Variants in ARMCX4 observed in about 807,000 individuals in gnomAD.
The protein encoded by ARMCX4 is armadillo repeat-containing X-linked protein 4.
A neutral mutation model predicts 34.7 loss-of-function variants in ARMCX4; 3 were observed. The ratio of observed to expected loss-of-function variants is 0.09; its 90% CI spans 0.04 to 0.22. The LOEUF (loss-of-function observed/expected upper bound fraction) is 0.22. Among genes scored for constraint, ARMCX4 ranks in the 10% least tolerant of loss-of-function variants. ARMCX4 has a pLI of 1.00. For missense variants in ARMCX4, 1,448 were observed against 1,720.8 expected, an observed-to-expected ratio of 0.84 and a Z score of 2.81; for synonymous variants, 513 against 632.8, an observed-to-expected ratio of 0.81 and a Z score of 2.84.
intron 4 of ARMCX4, among the ~76,000 whole-genome samples, chrX:101,469,935 C>T (rs982658281): frequency 6.3e-5 from 7 of 111,828 alleles, no homozygotes; most frequent in South Asian, 3.8e-4. Context: ...CCTTAATTTG[C>T]GTATAATTAA....
At chrX:101,501,822 G>A (rs1934305688) in intron 7 of ARMCX4, among the ~76,000 whole-genome samples, 1 of 111,894 alleles carries the variant, frequency 8.9e-6, no homozygotes, top group Admixed American at 9.4e-5. Context: ...GACAACCAGA[G>A]GTTGCTTTTT....
Position 101,490,443 on chromosome X carries a change from G to A in ARMCX4, c.1854G>A (p.Val618=), listed in dbSNP as rs1317289564. ...VKGNPHTVLK[V]GAGEGTTDSA... ...GCAATCCCCATACTGTGCTTAAGGT[G>A]GGGGCTGGAGAAGGTACAACAGACT... Residue 618 remains valine, a synonymous_variant, in exon 6 of 6, where the codon GTG becomes GTA. Transcript: ENST00000423738. 4 of 1,141,148 alleles carry A rather than the reference G, an allele frequency of 3.5e-6. No individual in the cohort carries two copies. Among genetic ancestry groups the A allele is most frequent in the East Asian group, 3.3e-5 (1 of 29,949 alleles). The allele number at this position is 1,141,148 out of a possible 1,213,427, so 94.0% of individuals were successfully genotyped here.
chrX:101,477,477 A>G (rs1163297374), intron 4 of ARMCX4, among the ~76,000 whole-genome samples: 1 of 98,623 alleles, frequency 1.0e-5, no homozygotes, highest in Non-Finnish European at 2.0e-5. Context: ...CTTACTGCTT[A>G]AAAACAAACA....
intron 11 of ARMCX4, among the ~76,000 whole-genome samples, chrX:101,529,920 G>C (rs1935084153): frequency 8.9e-6 from 1 of 112,005 alleles, no homozygotes; most frequent in Admixed American, 9.5e-5. Context: ...GTGGAAGACA[G>C]TGTGGCGGTT....
chrX:101,470,804 G>T (rs1321140794), intron 4 of ARMCX4, among the ~76,000 whole-genome samples: 1 of 111,753 alleles, frequency 8.9e-6, no homozygotes, highest in Non-Finnish European at 1.9e-5. Context: ...CTTTGTGTGG[G>T]CATGTTTTCA....
intron 2 of ARMCX4, among the ~76,000 whole-genome samples, chrX:101,433,340 A>C (rs7057004): frequency 6.7e-4 from 67 of 99,433 alleles, no homozygotes; most frequent in Admixed American, 4.9e-3. Context: ...ACATATGTAC[A>C]TATATGTACA....
chrX:101,433,132 T>G (rs6621060), intron 2 of ARMCX4, among the ~76,000 whole-genome samples: 37 of 102,536 alleles, frequency 3.6e-4, no homozygotes, highest in South Asian at 1.2e-3. Flanking sequence ...GTATACATAT[T>G]TGTATATATA....
chrX:101,528,712 A>G (rs1015536344), intron 11 of ARMCX4, among the ~76,000 whole-genome samples: 9 of 111,485 alleles, frequency 8.1e-5, no homozygotes, highest in African/African-American at 2.9e-4. Context: ...GAGCCAAATC[A>G]TGAGTGAACT....
At chrX:101,457,098 T>C (rs1196496510) in intron 4 of ARMCX4, among the ~76,000 whole-genome samples, 1 of 111,451 alleles carries the variant, frequency 9.0e-6, no homozygotes, top group East Asian at 2.8e-4. Context: ...TTTCAACTTC[T>C]TTGTTGAAGA....
At chrX:101,456,669 C>A (rs1274013219) in intron 4 of ARMCX4, among the ~76,000 whole-genome samples, 1 of 111,388 alleles carries the variant, frequency 9.0e-6, no homozygotes, top group Non-Finnish European at 1.9e-5. Flanking sequence ...TCATTTAATC[C>A]TTCTAAAGAG....
chrX:101,452,756 A>G (rs1285418886), downstream of ARMCX4, among the ~76,000 whole-genome samples: 6 of 109,542 alleles, frequency 5.5e-5, no homozygotes, highest in East Asian at 8.6e-4. Context: ...GGGTTTCGCT[A>G]TGTTGGCCAG....
chrX:101,441,942 A>G (rs73561177), intron 2 of ARMCX4, among the ~76,000 whole-genome samples: 6,977 of 111,548 alleles, frequency 0.063, 219 homozygotes, highest in African/African-American at 0.13. Flanking sequence ...GTAAAGCCCA[A>G]TAAGTTGTGT....
Position 101,493,243 on chromosome X carries a change from A to G in ARMCX4, c.4654A>G (p.Ser1552Gly). 8.7e-7 allele frequency: 1 copy of G among 1,151,217 alleles called. No individual in the cohort carries two copies. Among genetic ancestry groups the G allele is most frequent in the Non-Finnish European group, 1.1e-6 (1 of 871,325 alleles). 94.9% of individuals were successfully genotyped at this position (1,151,217 alleles called of 1,213,427 possible). A position where few individuals can be genotyped will look rare whatever the true frequency, so the allele number is the denominator to read the frequency against. Reference protein sequence around the residue: ...SSAGSWDSPGSQVSGSCWTGA... With the variant: ...SSAGSWDSPGGQVSGSCWTGA... ...TGCTGGGTCCTGGGATAGCCCTGGG[A>G]GTCAGGTCAGTGGAAGCTGCTGGAC... Residue 1552 changes from serine (S) to glycine (G), a missense_variant, in exon 6 of 6, where the codon AGT (serine) becomes GGT (glycine). Coordinates refer to ENST00000423738, the MANE Select transcript of ARMCX4 (RefSeq NM_001256155.3).
At chrX:101,504,051 C>T (rs1435941010) in intron 7 of ARMCX4, among the ~76,000 whole-genome samples, 1 of 112,105 alleles carries the variant, frequency 8.9e-6, no homozygotes, top group Non-Finnish European at 1.9e-5. Context: ...GGAATCCTTT[C>T]CCCATTTCTT....
At chrX:101,464,896 C>T (rs913345215) in intron 4 of ARMCX4, among the ~76,000 whole-genome samples, 5 of 111,294 alleles carry the variant, frequency 4.5e-5, no homozygotes, top group Admixed American at 9.6e-5. Context: ...AGATGGAGTG[C>T]GGAATGCAGG....
chrX:101,503,568 C>G lies in ARMCX4; in HGVS notation c.*1178-1369C>G, dbSNP rs782784558. 2.8e-4 allele frequency among the ~76,000 whole-genome samples: 31 copies of G among 112,030 alleles called. No individual in the cohort carries two copies. In the South Asian group the frequency reaches 7.8e-3, roughly 28 times the overall value. ...TGAGCATTTTTTCATGTGTCTTTTG[C>G]CTGCATAAATGTCTTCTTTTGAGAA... On this transcript the variant is annotated intron_variant and NMD_transcript_variant, in intron 7 of 12. Coordinates refer to the ARMCX4 transcript ENST00000354842.
intron 4 of ARMCX4, among the ~76,000 whole-genome samples, chrX:101,453,770 T>A (rs781857477): frequency 2.7e-5 from 3 of 109,915 alleles, no homozygotes; most frequent in Non-Finnish European, 5.7e-5. Context: ...AGAGTGGAAA[T>A]CTGCTATGCC....
downstream of ARMCX4, among the ~76,000 whole-genome samples, chrX:101,450,907 C>A (rs1300953176): frequency 4.5e-5 from 5 of 111,510 alleles, no homozygotes; most frequent in Non-Finnish European, 9.4e-5. Context: ...TGCCCAGCAC[C>A]CTATCCTACT....
At chrX:101,511,896 T>G (rs1187385002) in intron 11 of ARMCX4, among the ~76,000 whole-genome samples, 1 of 111,172 alleles carries the variant, frequency 9.0e-6, no homozygotes, top group Non-Finnish European at 1.9e-5. Flanking sequence ...CCTTTCAATA[T>G]GCAAACTCTC....
Sources: gnomAD v4.1 joint callset for allele counts (sites outside exome capture counted in the v4.1 genomes callset) on GRCh38, gnomAD v4.1.1 for gene constraint, MANE v1.5 for transcripts, NCBI Gene and HGNC (gene_info 2026-07-23, HGNC 2026-07-21) for gene names.